CYP4B1: variants seen among roughly 807,000 people sequenced by gnomAD.
CYP4B1 encodes cytochrome P450 family 4 subfamily B member 1, also known as cytochrome P450 4B1.
In CYP4B1, 45 loss-of-function variants were observed where a neutral mutation model predicts 54.0. The observed-to-expected ratio is 0.83, with a 90% CI of 0.66 to 1.07. The LOEUF (loss-of-function observed/expected upper bound fraction) is 1.07, where lower values mean the gene tolerates loss of function less well. Ranked by LOEUF, CYP4B1 falls within the 50% of genes least tolerant of loss-of-function variation. The probability of loss-of-function intolerance (pLI) is 0.00; values close to 1 mark genes in which losing one functional copy is unlikely to be tolerated. For synonymous variants in CYP4B1, 248 were observed against 247.5 expected (o/e 1.00, Z -0.02); for missense variants, 656 against 655.4 (o/e 1.00, Z -0.01).
chr1:46,800,270 C>T lies in CYP4B1; in HGVS notation c.180+1009C>T, dbSNP rs953318487. On this transcript the variant is annotated intron_variant, in intron 1 of 11. Transcript: ENST00000371923. The stretch of plus-strand genomic sequence containing the variant: ...CCTTCCTTCCTTCCTTCCTTCCTTC[C>T]TTCCTTCCTTCCTTCCTTCCTTCCT... Among the ~76,000 whole-genome samples, 39 of 109,480 alleles carry T rather than the reference C, an allele frequency of 3.6e-4. 4 individuals are homozygous for T. Among genetic ancestry groups the T allele is most frequent in the Admixed American group, 7.9e-4 (7 of 8,820 alleles). The allele number at this position is 109,480 out of a possible 152,430, so 71.8% of individuals were successfully genotyped here.
chr1:46,818,611 C>G lies in CYP4B1; in HGVS notation c.1356-20C>G. On this transcript the variant is annotated intron_variant, in intron 11 of 11. Transcript: ENST00000371923. ...CTGGATGCTCCATTGCACGATGACT[C>G]TTTGTGCTGCTTGCTACAGGAACTG... 6.2e-7 allele frequency: 1 copy of G among 1,613,494 alleles called. No individual in the cohort carries two copies. The highest frequency in any genetic ancestry group is 8.5e-7 in the Non-Finnish European group (1 of 1,179,444).
Position 46,818,629 on chromosome 1 carries a change from A to G in CYP4B1, c.1356-2A>G. 14 of 1,614,098 alleles carry G rather than the reference A, an allele frequency of 8.7e-6. No individual in the cohort carries two copies. The highest frequency in any genetic ancestry group is 1.2e-5 in the Non-Finnish European group (14 of 1,179,920). ...GATGACTCTTTGTGCTGCTTGCTAC[A>G]GGAACTGCATTGGGCAGCAGTTTGC... On this transcript the variant is annotated splice_acceptor_variant, in intron 11 of 11. Coordinates refer to ENST00000371923, the MANE Select transcript of CYP4B1 (RefSeq NM_001099772.2). LOFTEE classifies it high-confidence loss of function.
chr1:46,810,765 C>T (rs1262879630), intron 1 of CYP4B1, 43 bp from the exon 2 acceptor site: 1 of 1,611,862 alleles, frequency 6.2e-7, no homozygotes, highest in South Asian at 1.1e-5. Flanking sequence ...TAGCTGGTGA[C>T]AATGTGTTCC....
intron 1 of CYP4B1, chr1:46,806,730 T>C: frequency 6.6e-6 from 1 of 152,216 alleles, no homozygotes; most frequent in East Asian, 1.9e-4. Context: ...GGAGTGCCAA[T>C]GTGAGGGTGG....
At chr1:46,814,170 T>A in intron 6 of CYP4B1, 39 bp from the exon 7 acceptor site, 1 of 1,612,360 alleles carries the variant, frequency 6.2e-7, no homozygotes, top group Non-Finnish European at 8.5e-7. Context: ...GGACAAAAGA[T>A]GGCTTCCCAG....
chr1:46,805,163 T>C (rs1678809387), intron 1 of CYP4B1, among the ~76,000 whole-genome samples: 1 of 152,232 alleles, frequency 6.6e-6, no homozygotes, highest in South Asian at 2.1e-4. Context: ...TGAGGACAGA[T>C]GACTGCATCC....
At chr1:46,811,972 A>G (rs1243724524) in intron 3 of CYP4B1, among the ~76,000 whole-genome samples, 1 of 152,184 alleles carries the variant, frequency 6.6e-6, no homozygotes, top group Non-Finnish European at 1.5e-5. Flanking sequence ...GGCAGACAGA[A>G]AAGGGTTAGG....
chr1:46,802,407 C>A (rs1393917960), intron 1 of CYP4B1, among the ~76,000 whole-genome samples: 1 of 152,208 alleles, frequency 6.6e-6, no homozygotes, highest in Non-Finnish European at 1.5e-5. Flanking sequence ...CCTCTCTGTG[C>A]TTCTGTTTCC....
At chr1:46,813,634 A>C (rs773618351) in intron 5 of CYP4B1, 28 bp downstream of exon 5, 11 of 1,612,502 alleles carry the variant, frequency 6.8e-6, no homozygotes, top group Middle Eastern at 1.7e-4. Context: ...GGCTGACCGC[A>C]CTGTCTCCAA....
chr1:46,803,359 C>T (rs1678733982), intron 1 of CYP4B1, among the ~76,000 whole-genome samples: 1 of 152,058 alleles, frequency 6.6e-6, no homozygotes, highest in South Asian at 2.1e-4. Context: ...ATGGTAGCCA[C>T]AGGAGAGAGA....
Position 46,799,165 on chromosome 1 carries a change from G to A in CYP4B1, c.84G>A (p.Lys28=), listed in dbSNP as rs1678504047. 4 of 1,613,348 alleles carry A rather than the reference G, an allele frequency of 2.5e-6. No homozygotes were observed. Among genetic ancestry groups the A allele is most frequent in the Non-Finnish European group, 3.4e-6 (4 of 1,179,742 alleles). The part of the protein sequence containing the change: ...SGLILVLGFL[K]LIHLLLRRQT... Reference sequence around the variant, plus strand: ...TGATCTTGGTCTTAGGCTTTCTCAAGCTCATCCACCTGCTGCTGCGGAGGC... The same window carrying A: ...TGATCTTGGTCTTAGGCTTTCTCAAACTCATCCACCTGCTGCTGCGGAGGC... Residue 28 remains lysine (K), a synonymous_variant, in exon 1 of 12, where the codon AAG becomes AAA. Coordinates refer to ENST00000371923, the MANE Select transcript of CYP4B1 (RefSeq NM_001099772.2).
In CYP4B1 at chr1:46,799,284, G is replaced by A. The variant is rs1017692216; in HGVS notation, c.180+23G>A. 4 of 1,558,856 alleles carry A rather than the reference G, an allele frequency of 2.6e-6. No homozygotes were observed. In the African/African-American group the frequency reaches 5.4e-5, roughly 21 times the overall value. On this transcript the variant is annotated intron_variant, in intron 1 of 11. Transcript: ENST00000371923. ...GAGGTATGTGGAGGTCGGGAGGGTG[G>A]GGGAGAAAGAAAACATCCTCCCTCC...
rs927883908 is a variant in CYP4B1, at chr1:46,799,348, G to A, written c.180+87G>A. ...GGCCTAATTCCCAGGGGGCTGTGGA[G>A]GGAGACTTCAAACTTGGGCAGGGGG... On this transcript the variant is annotated intron_variant, in intron 1 of 11. Coordinates refer to ENST00000371923, the MANE Select transcript of CYP4B1 (RefSeq NM_001099772.2). The A allele has an allele frequency of 3.9e-6, 5 of 1,285,576 alleles. No individual in the cohort carries two copies. In the African/African-American group the frequency reaches 5.9e-5, roughly 15 times the overall value. 79.6% of individuals were successfully genotyped at this position (1,285,576 alleles called of 1,614,324 possible).
rs367647904 is a variant in CYP4B1 at position 46,813,491 on chromosome 1, G to A, written c.505G>A (p.Glu169Lys). ...TATCCCTGGACTCCAGGACAAGTGG[G>A]AAGAGAAAGCTCGGGAGGGTAAGTC... ...ESTRIMLDKW[E>K]EKAREGKSFD... Residue 169 changes from glutamate (E) to lysine (K), a missense_variant, in exon 5 of 12, where the codon GAA becomes AAA. Coordinates refer to ENST00000371923, the MANE Select transcript of CYP4B1 (RefSeq NM_001099772.2). 6 of 1,614,134 alleles carry A rather than the reference G, an allele frequency of 3.7e-6. No individual in the cohort carries two copies. Among genetic ancestry groups the A allele is most frequent in the Non-Finnish European group, 5.1e-6 (6 of 1,180,020 alleles).
chr1:46,813,754 T>C, intron 5 of CYP4B1, 148 bp downstream of exon 5: 1 of 1,419,092 alleles, frequency 7.0e-7, no homozygotes, highest in East Asian at 2.3e-5. Context: ...CTGCTCATGG[T>C]GGGGTAAACA....
rs1472862148 is a variant in CYP4B1 at position 46,815,115 on chromosome 1, T to C, written c.924T>C (p.Ala308=). 3.1e-6 allele frequency: 5 copies of C among 1,614,100 alleles called. No homozygotes were observed. The highest frequency in any genetic ancestry group is 1.3e-5 in the African/African-American group (1 of 74,952). ...DIKLSDADLR[A]EVDTFMFEGH... The stretch of plus-strand genomic sequence containing the variant: ...AACTGTCAGATGCAGACCTCCGGGC[T>C]GAAGTGGACACATTCATGTTTGAAG... Residue 308 remains alanine (A), a synonymous_variant, in exon 8 of 12, where the codon GCT becomes GCC. Transcript: ENST00000371923.
intron 7 of CYP4B1, 29 bp downstream of exon 7, chr1:46,814,344 G>A (rs749048055): frequency 1.3e-6 from 2 of 1,558,208 alleles, no homozygotes; most frequent in Admixed American, 1.7e-5. Context: ...ACCCCTACCT[G>A]AGGACTGGTC....
In CYP4B1 at chr1:46,813,245, G is replaced by A. The variant is rs1679184255; in HGVS notation, c.496-237G>A. Among the ~76,000 whole-genome samples, 3 of 152,230 alleles carry A rather than the reference G, an allele frequency of 2.0e-5. No individual in the cohort carries two copies. In the South Asian group the frequency reaches 6.2e-4, roughly 31 times the overall value. On this transcript the variant is annotated intron_variant, in intron 4 of 11. Coordinates refer to ENST00000371923, the MANE Select transcript of CYP4B1 (RefSeq NM_001099772.2). ...GACTGGGAGAAAACGTCTGTGTGCT[G>A]TGCAAGATCTGCCTCCTGGTCCTGC...
chr1:46,811,257 G>A lies in CYP4B1; in HGVS notation c.367+73G>A, dbSNP rs116369288. 1,318 of 1,489,340 alleles carry A rather than the reference G, an allele frequency of 8.8e-4. 6 individuals carry two copies. The African/African-American group carries it at 0.016, about 19-fold the overall frequency. 92.3% of individuals were successfully genotyped at this position (1,489,340 alleles called of 1,614,324 possible). A position where few individuals can be genotyped will look rare whatever the true frequency, so the allele number is the denominator to read the frequency against. On this transcript the variant is annotated intron_variant, in intron 3 of 11. Transcript: ENST00000371923. The stretch of plus-strand genomic sequence containing the variant: ...TGCTGGGTGACTAGGATCCTGGCCT[G>A]TCCCACTCAATTGGTTATCCCAGAT...
Sources: gnomAD v4.1 joint callset for allele counts (sites outside exome capture counted in the v4.1 genomes callset) on GRCh38, gnomAD v4.1.1 for gene constraint, MANE v1.5 for transcripts, NCBI Gene and HGNC (gene_info 2026-07-23, HGNC 2026-07-21) for gene names.